The following RSF1 variants were observed in gnomAD, a reference collection of about 807,000 sequenced individuals.
RSF1 encodes the protein HBV pX-associated protein 8.
In RSF1, 13 loss-of-function variants were observed where a neutral mutation model predicts 145.2. That is an observed-to-expected ratio of 0.09 (90% CI 0.06 to 0.14). The LOEUF is 0.14. Ranked by LOEUF, RSF1 falls within the 10% of genes least tolerant of loss-of-function variation. RSF1 has a pLI of 1.00. For missense variants in RSF1, 1,517 were observed against 1,718.2 expected, an observed-to-expected ratio of 0.88 and a Z score of 2.07; for synonymous variants, 577 against 592.6, an observed-to-expected ratio of 0.97 and a Z score of 0.38.
chr11:77,777,781 T>TC (rs903331290), intron 1 of RSF1, among the ~76,000 whole-genome samples: 1 of 151,696 alleles, frequency 6.6e-6, no homozygotes, highest in Non-Finnish European at 1.5e-5. Context: ...ACCCAGGAGT[T>TC]CAAGACCAGT....
intron 1 of RSF1, among the ~76,000 whole-genome samples, chr11:77,784,168 C>T (rs938855260): frequency 1.3e-5 from 2 of 152,146 alleles, no homozygotes; most frequent in Admixed American, 1.3e-4. Flanking sequence ...TTCCACAGAC[C>T]AGTGAAGCAC....
At chr11:77,790,909 G>C (rs960203230) in intron 1 of RSF1, among the ~76,000 whole-genome samples, 3 of 152,194 alleles carry the variant, frequency 2.0e-5, no homozygotes, top group African/African-American at 7.2e-5. Flanking sequence ...ATGGGCTAGT[G>C]TTGACTGTCT....
At chr11:77,792,822 A>G (rs1364115137) in intron 1 of RSF1, among the ~76,000 whole-genome samples, 1 of 152,168 alleles carries the variant, frequency 6.6e-6, no homozygotes, top group Non-Finnish European at 1.5e-5. Context: ...CTGACAAGCA[A>G]AAGTTAAGAA....
chr11:77,816,570 C>T (rs1948783944), intron 1 of RSF1, among the ~76,000 whole-genome samples: 1 of 152,210 alleles, frequency 6.6e-6, no homozygotes, highest in South Asian at 2.1e-4. Context: ...AATCCTAACA[C>T]ATTATCTGTA....
At chr11:77,671,106 CAAAAAAAAAAAAAAAAAAAA>C (rs1171789380) in intron 15 of RSF1, among the ~76,000 whole-genome samples, 1 of 5,526 alleles carries the variant, frequency 1.8e-4, no homozygotes, top group Non-Finnish European at 2.6e-4. Flanking sequence ...ACTCTGTCAC[CAAAAAAAAAAAAAAAAAAAA>C]AAAAAAAAAA....
chr11:77,770,340 T>G (rs1948269929), intron 1 of RSF1, among the ~76,000 whole-genome samples: 1 of 152,154 alleles, frequency 6.6e-6, no homozygotes. Context: ...CGTGCACCTG[T>G]AGTCCCAGCT....
chr11:77,825,892 A>G, the RSF1 span, among the ~76,000 whole-genome samples: 2 of 152,066 alleles, frequency 1.3e-5, no homozygotes, highest in African/African-American at 4.8e-5. Flanking sequence ...GGGTTTCACT[A>G]CGTTGGCCAG....
chr11:77,792,816 C>A (rs1013681598), intron 1 of RSF1, among the ~76,000 whole-genome samples: 5 of 150,698 alleles, frequency 3.3e-5, no homozygotes, highest in African/African-American at 1.2e-4. Context: ...CTTTCCCTGA[C>A]AAGCAAAAGT....
chr11:77,804,211 T>C (rs1014398200), intron 1 of RSF1, among the ~76,000 whole-genome samples: 1 of 152,206 alleles, frequency 6.6e-6, no homozygotes, highest in Admixed American at 6.5e-5. Flanking sequence ...CCTTGCCCTA[T>C]GGGTCTTTTC....
At chr11:77,818,938 T>C (rs1196917978) in intron 1 of RSF1, among the ~76,000 whole-genome samples, 1 of 152,230 alleles carries the variant, frequency 6.6e-6, no homozygotes, top group African/African-American at 2.4e-5. Flanking sequence ...TAAATTAGCC[T>C]TTTGTAAGCC....
At chr11:77,714,837 G>T (rs1349793557) in intron 5 of RSF1, among the ~76,000 whole-genome samples, 2 of 150,268 alleles carry the variant, frequency 1.3e-5, no homozygotes, top group Non-Finnish European at 3.0e-5. Context: ...CATAAACCTT[G>T]TCTTTAAAAA....
chr11:77,740,959 C>CTA, intron 3 of RSF1, 23 bp from the exon 4 acceptor site: 3 of 1,513,710 alleles, frequency 2.0e-6, no homozygotes, highest in Non-Finnish European at 2.7e-6. Flanking sequence ...CATAACATGA[C>CTA]TTAAAATACC....
the RSF1 span, chr11:77,829,609 T>C: frequency 4.6e-5 from 7 of 152,338 alleles, no homozygotes; most frequent in African/African-American, 1.7e-4. Flanking sequence ...TAATTCAGAA[T>C]GTTTCAGACG....
At chr11:77,764,487 T>C in intron 2 of RSF1, 111 bp downstream of exon 2, 1 of 669,434 alleles carries the variant, frequency 1.5e-6, no homozygotes, top group South Asian at 1.8e-5. Flanking sequence ...GGAGCCATAG[T>C]CTTACTTTTA....
At chr11:77,769,070 T>A (rs890946041) in intron 1 of RSF1, among the ~76,000 whole-genome samples, 3 of 152,156 alleles carry the variant, frequency 2.0e-5, no homozygotes, top group South Asian at 2.1e-4. Context: ...ATATATATAT[T>A]TTTTTGAGAT....
intron 5 of RSF1, among the ~76,000 whole-genome samples, chr11:77,719,854 T>A (rs895859128): frequency 6.6e-6 from 1 of 152,220 alleles, no homozygotes; most frequent in African/African-American, 2.4e-5. Flanking sequence ...GTTAAAAAAA[T>A]TACGCTAGAT....
the RSF1 span, among the ~76,000 whole-genome samples, chr11:77,840,385 C>T: frequency 1.3e-5 from 2 of 152,000 alleles, no homozygotes; most frequent in East Asian, 1.9e-4. Flanking sequence ...AAAAATTAGC[C>T]GGGCATGGTA....
chr11:77,815,219 G>A (rs1463772183), intron 1 of RSF1, among the ~76,000 whole-genome samples: 1 of 152,220 alleles, frequency 6.6e-6, no homozygotes. Context: ...CAAACCTAAC[G>A]TACAGATATG....
At chr11:77,813,838 C>T (rs1948755525) in intron 1 of RSF1, 1 of 201,384 alleles carries the variant, frequency 5.0e-6, no homozygotes, top group African/African-American at 2.3e-5. Flanking sequence ...CACACACACA[C>T]ACACACACAC....
Sources: allele counts gnomAD v4.1 joint callset (sites outside exome capture counted in the v4.1 genomes callset), GRCh38; gene constraint gnomAD v4.1.1; transcripts MANE v1.5; gene names NCBI Gene and HGNC (gene_info 2026-07-23, HGNC 2026-07-21).